The following TMC2 variants were observed in gnomAD, a reference collection of about 807,000 sequenced individuals.
TMC2 encodes the protein transmembrane channel-like protein 2.
In TMC2, 102 loss-of-function variants were observed where a neutral mutation model predicts 105.9. That is an observed-to-expected ratio of 0.96 (90% confidence interval 0.82 to 1.14). The LOEUF (loss-of-function observed/expected upper bound fraction) is 1.14, where lower values mean the gene tolerates loss of function less well. Among genes scored for constraint, TMC2 ranks in the 50% most tolerant of loss-of-function variants. The pLI is 0.00. For synonymous variants in TMC2, 402 were observed against 422.8 expected, an observed-to-expected ratio of 0.95 and a Z score of 0.60; for missense variants, 1,093 against 1,134.3, an observed-to-expected ratio of 0.96 and a Z score of 0.52.
chr20:2,612,439 C>T (rs2086448136), intron 13 of TMC2, 99 bp downstream of exon 13: 4 of 1,183,846 alleles, frequency 3.4e-6, no homozygotes, highest in Non-Finnish European at 4.5e-6. Context: ...GAAAACTTAC[C>T]AGCTGTTCAT....
At position 2,592,868 on chromosome 20, in the gene TMC2, A is replaced by T. The variant is rs78710305; in HGVS notation, c.933+460A>T. Among the ~76,000 whole-genome samples, 337 of 152,252 alleles carry T rather than the reference A, an allele frequency of 2.2e-3. 1 individual carries two copies. Among genetic ancestry groups the T allele is most frequent in the Admixed American group, 3.4e-3 (52 of 15,288 alleles). On this transcript the variant is annotated intron_variant, in intron 8 of 19. Coordinates refer to ENST00000358864, the MANE Select transcript of TMC2 (RefSeq NM_080751.3). The surrounding 1 kb of genome is among the most constrained non-coding windows in gnomAD (Gnocchi z 4.9). ...TATTGGAATCACCATTCATCCAATC[A>T]TCCATGTCTGAAGCCTGAAAATCAT...
chr20:2,627,862 A>AT (rs2086574998), intron 17 of TMC2, among the ~76,000 whole-genome samples: 1 of 152,162 alleles, frequency 6.6e-6, no homozygotes, highest in Non-Finnish European at 1.5e-5. Context: ...ATCTGTGATC[A>AT]TTTTTATTAG....
chr20:2,582,045 G>T (rs139930680), intron 7 of TMC2, among the ~76,000 whole-genome samples: 4 of 152,222 alleles, frequency 2.6e-5, no homozygotes, highest in Admixed American at 2.6e-4. Flanking sequence ...GGGAAGAAGG[G>T]AAATAGGGGA....
At chr20:2,610,261 GCC>G (rs2086425422) in intron 11 of TMC2, among the ~76,000 whole-genome samples, 156 bp from the exon 12 acceptor site, 1 of 152,216 alleles carries the variant, frequency 6.6e-6, no homozygotes, top group African/African-American at 2.4e-5. Flanking sequence ...TGATGCCTTT[GCC>G]AGGGTCACAC....
rs1466419287 is a variant in TMC2, at chr20:2,561,921, G to A, written c.465G>A (p.Gln155=). The change falls in exon 4 of 20, where the codon CAG becomes CAA. Residue 155 remains glutamine, a synonymous_variant. Coordinates refer to ENST00000358864, the MANE Select transcript of TMC2 (RefSeq NM_080751.3). The part of the protein sequence containing the change: ...GESLSEEELA[Q]ILEQVEEKKK... ...CCCTGTCCGAGGAGGAACTGGCCCA[G>A]ATCCTGGAGCAGGTGGAAGAAAAAA... The A allele has an allele frequency of 6.2e-7, 1 of 1,614,148 alleles. No homozygotes were observed. The highest frequency in any genetic ancestry group is 1.7e-5 in the Admixed American group (1 of 60,016).
chr20:2,545,969 T>C (rs1486008533), intron 2 of TMC2, among the ~76,000 whole-genome samples: 3 of 151,962 alleles, frequency 2.0e-5, no homozygotes, highest in African/African-American at 7.3e-5. Flanking sequence ...AAAACTAATG[T>C]CTTACTTGTA....
rs544696643 is a variant in TMC2 at position 2,575,223 on chromosome 20, A to G, written c.645+2954A>G. Among the ~76,000 whole-genome samples, 22 of 152,342 alleles carry G rather than the reference A, an allele frequency of 1.4e-4. No homozygotes were observed. The South Asian group carries it at 2.1e-3, about 14-fold the overall frequency. On this transcript the variant is annotated intron_variant, in intron 5 of 19. Transcript: ENST00000358864. Reference sequence around the variant, plus strand: ...TTCTAGATTTTTACTGTGACAAACAATGCTTCAACAAACACCTTTTACATT... The same window carrying G: ...TTCTAGATTTTTACTGTGACAAACAGTGCTTCAACAAACACCTTTTACATT...
intron 11 of TMC2, among the ~76,000 whole-genome samples, chr20:2,606,027 A>G (rs941134091): frequency 1.3e-5 from 2 of 152,200 alleles, no homozygotes; most frequent in African/African-American, 4.8e-5. Flanking sequence ...CTAATTCAGC[A>G]TGTACATATC....
Position 2,564,431 on chromosome 20 carries a change from T to C in TMC2, c.554+2421T>C, listed in dbSNP as rs1270214863. On this transcript the variant is annotated intron_variant, in intron 4 of 19. Transcript: ENST00000358864. ...TCCCAAAGTGCTGAGATTACAGGCA[T>C]GAGCCACCGCGCCCGGCCCTCAGCC... Among the ~76,000 whole-genome samples the C allele has an allele frequency of 5.3e-5, 8 of 152,094 alleles. No homozygotes were observed. The South Asian group carries it at 1.5e-3, about 28-fold the overall frequency.
rs767691156 is a variant in TMC2, at chr20:2,641,515, C to T, written c.*164C>T. 6 of 597,688 alleles carry T rather than the reference C, an allele frequency of 1.0e-5. No homozygotes were observed. Among genetic ancestry groups the T allele is most frequent in the South Asian group, 6.1e-5 (3 of 49,186 alleles). 37.0% of individuals were successfully genotyped at this position (597,688 alleles called of 1,614,324 possible). A position where few individuals can be genotyped will look rare whatever the true frequency, so the allele number is the denominator to read the frequency against. Reference sequence around the variant, plus strand: ...ATTCCTTCAGGCCCTTGTCAGCTACCGAAGGAGGAAGACAGTGGCTTCACC... The same window carrying T: ...ATTCCTTCAGGCCCTTGTCAGCTACTGAAGGAGGAAGACAGTGGCTTCACC... On this transcript the variant is annotated 3_prime_UTR_variant, in exon 20 of 20. Coordinates refer to ENST00000358864, the MANE Select transcript of TMC2 (RefSeq NM_080751.3).
rs142271833 is a variant in TMC2 at position 2,627,270 on chromosome 20, A to C, written c.2306+2874A>C. 4.5e-4 allele frequency among the ~76,000 whole-genome samples: 69 copies of C among 152,052 alleles called. 1 individual carries two copies. Among genetic ancestry groups the C allele is most frequent in the Non-Finnish European group, 8.5e-4 (58 of 67,972 alleles). ...CTTAAAACCCATTCTCTCTTTTCCCAATTCTTCCGTCTTTGCTTATTCTTT... is the reference window on the plus strand; with the variant it reads ...CTTAAAACCCATTCTCTCTTTTCCCCATTCTTCCGTCTTTGCTTATTCTTT... On this transcript the variant is annotated intron_variant, in intron 17 of 19. Transcript: ENST00000358864.
chr20:2,584,223 T>G (rs1392720594), intron 7 of TMC2, among the ~76,000 whole-genome samples: 2 of 151,846 alleles, frequency 1.3e-5, no homozygotes, highest in African/African-American at 4.8e-5. Flanking sequence ...GGCGGGCGGA[T>G]CACGAGGTCA....
intron 7 of TMC2, among the ~76,000 whole-genome samples, chr20:2,582,918 G>A (rs1231376414): frequency 1.3e-5 from 2 of 152,200 alleles, no homozygotes; most frequent in African/African-American, 4.8e-5. Context: ...GCACAACCCA[G>A]GATGTCTACG....
chr20:2,604,251 C>A (rs2086372974), intron 11 of TMC2, among the ~76,000 whole-genome samples: 1 of 152,220 alleles, frequency 6.6e-6, no homozygotes, highest in Admixed American at 6.5e-5. Flanking sequence ...ATGATCCTCC[C>A]AGATGGGTCT....
chr20:2,641,226 C>A lies in TMC2; in HGVS notation c.2596C>A (p.Pro866Thr), dbSNP rs1201936552. The change falls in exon 20 of 20, where the codon CCT (proline) becomes ACT (threonine). Residue 866 changes from proline to threonine, a missense_variant. Physicochemically the swap from Pro to Thr is conservative, Grantham distance 38. Transcript: ENST00000358864. ...CAATTCTGCCAGCAGGACCACACTGCCTGCCTCTGGACACCTTCCTATATC... is the reference window on the plus strand; with the variant it reads ...CAATTCTGCCAGCAGGACCACACTGACTGCCTCTGGACACCTTCCTATATC... Reference protein sequence around the residue: ...TSNSASRTTLPASGHLPISRP... With the variant: ...TSNSASRTTLTASGHLPISRP... 1.2e-6 allele frequency: 2 copies of A among 1,614,154 alleles called. No individual in the cohort carries two copies. The highest frequency in any genetic ancestry group is 1.1e-5 in the South Asian group (1 of 91,084).
Position 2,643,351 on chromosome 20 carries a change from C to G in TMC2, c.*2000C>G, listed in dbSNP as rs1332046004. 6.6e-6 allele frequency among the ~76,000 whole-genome samples: 1 copy of G among 152,216 alleles called. No homozygotes were observed. ...GCCTTCTGCATCAGAATGCCAGGCC[C>G]TGAGGCAGGGAACACTCTGCCTGCC... On this transcript the variant is annotated 3_prime_UTR_variant, in exon 20 of 20. Transcript: ENST00000358864.
chr20:2,631,847 T>G (rs1359330595), intron 17 of TMC2, among the ~76,000 whole-genome samples: 1 of 152,164 alleles, frequency 6.6e-6, no homozygotes, highest in Non-Finnish European at 1.5e-5. Context: ...TAGCCATTAT[T>G]TATTCAAATA....
intron 17 of TMC2, among the ~76,000 whole-genome samples, chr20:2,635,251 C>A (rs980831697): frequency 6.6e-6 from 1 of 152,162 alleles, no homozygotes; most frequent in African/African-American, 2.4e-5. Context: ...ACTCTAAAAC[C>A]CATAAGGTCA....
chr20:2,585,912 A>G (rs1214184649), intron 7 of TMC2, among the ~76,000 whole-genome samples: 2 of 152,212 alleles, frequency 1.3e-5, no homozygotes, highest in Non-Finnish European at 2.9e-5. Flanking sequence ...CACTTCTGCC[A>G]TATTTTATTC....
Sources: allele counts gnomAD v4.1 joint callset (sites outside exome capture counted in the v4.1 genomes callset), GRCh38; gene constraint gnomAD v4.1.1; non-coding constraint Gnocchi (gnomAD v3.1); transcripts MANE v1.5; gene names NCBI Gene and HGNC (gene_info 2026-07-23, HGNC 2026-07-21).